Variants in FAM161A observed in about 807,000 individuals in gnomAD.
FAM161A encodes the protein protein FAM161A.
FAM161A carries 57 observed loss-of-function variants against 70.9 expected under a neutral mutation model. That is an observed-to-expected ratio of 0.80 (90% CI 0.65 to 1.00). FAM161A has a LOEUF of 1.00. FAM161A is among the 50% of genes least tolerant of loss of function. The pLI, the probability that FAM161A is intolerant of heterozygous loss-of-function variation, is 0.00. For missense variants in FAM161A, 880 were observed against 836.0 expected (o/e 1.05, Z -0.65); for synonymous variants, 299 against 295.7 (o/e 1.01, Z -0.12).
chr2:61,801,952 T>C, the FAM161A span, among the ~76,000 whole-genome samples: 1 of 152,226 alleles, frequency 6.6e-6, no homozygotes, highest in African/African-American at 2.4e-5. Flanking sequence ...CACAAACTTC[T>C]ATAATTTGCA....
At position 61,842,204 on chromosome 2, in the gene FAM161A, C is replaced by A; in HGVS notation, c.340G>T (p.Glu114Ter). ...TGTAATTTATCCTGGTACATTTTCT[C>A]TAATTTTGCCATAGTTTCTATGTGG... The part of the protein sequence containing the change: ...AAHIETMAKL[E>*]KMYQDKLHLK... The change falls in exon 2 of 7, where the codon GAG becomes TAG. Residue 114 changes from glutamate (E) to a stop codon, truncating the protein, a stop_gained. Coordinates refer to ENST00000404929, the MANE Select transcript of FAM161A (RefSeq NM_001201543.2). LOFTEE classifies it high-confidence loss of function. 1 of 1,613,960 alleles carries A rather than the reference C, an allele frequency of 6.2e-7. No homozygotes were observed. Among genetic ancestry groups the A allele is most frequent in the Non-Finnish European group, 8.5e-7 (1 of 1,179,860 alleles).
chr2:61,805,723 C>A, the FAM161A span, among the ~76,000 whole-genome samples: 2 of 152,234 alleles, frequency 1.3e-5, no homozygotes, highest in East Asian at 3.9e-4. Context: ...AGGTCCCTGC[C>A]CTCATGGAGC....
chr2:61,822,972 ACTGT>A (rs1169783942), downstream of FAM161A, among the ~76,000 whole-genome samples: 1 of 152,186 alleles, frequency 6.6e-6, no homozygotes, highest in Admixed American at 6.5e-5. Context: ...CTTGAGAAAT[ACTGT>A]CTAAGAGAAA....
At chr2:61,822,553 T>C (rs112522755), downstream of FAM161A, among the ~76,000 whole-genome samples, 1,991 of 152,314 alleles carry the variant, frequency 0.013, 36 homozygotes, top group African/African-American at 0.045. Flanking sequence ...GCATACATTT[T>C]TCTTTGAAGC....
At chr2:61,822,660 C>T (rs1290087009), downstream of FAM161A, among the ~76,000 whole-genome samples, 2 of 152,162 alleles carry the variant, frequency 1.3e-5, no homozygotes, top group African/African-American at 4.8e-5. Flanking sequence ...AATCTCGGCT[C>T]ACTGCAACCT....
chr2:61,848,976 ATT>A (rs10553054), intron 1 of FAM161A, among the ~76,000 whole-genome samples: 1 of 7,064 alleles, frequency 1.4e-4, no homozygotes, highest in Non-Finnish European at 2.0e-4. Flanking sequence ...ATATATATAT[ATT>A]TATATATTTA....
intron 5 of FAM161A, among the ~76,000 whole-genome samples, chr2:61,832,672 T>G (rs1286271464): frequency 6.6e-6 from 1 of 152,198 alleles, no homozygotes; most frequent in African/African-American, 2.4e-5. Context: ...CCCTGCCTCC[T>G]ACAGCGTTAG....
chr2:61,825,556 A>G lies in FAM161A; in HGVS notation c.*899T>C, dbSNP rs1672323182. On this transcript the variant is annotated 3_prime_UTR_variant, in exon 7 of 7. Coordinates refer to ENST00000404929, the MANE Select transcript of FAM161A (RefSeq NM_001201543.2). ...ACTAGAACTAAGGATAAAAAGAAAA[A>G]GGGATGATGGTGTAGACAATTTAAC... 1 of 439,186 alleles carries G rather than the reference A, an allele frequency of 2.3e-6. No individual in the cohort carries two copies. Among genetic ancestry groups the G allele is most frequent in the Non-Finnish European group, 4.5e-6 (1 of 223,266 alleles). 27.2% of individuals were successfully genotyped at this position (439,186 alleles called of 1,614,324 possible).
chr2:61,838,892 A>ATTTATTTATTTTT, intron 3 of FAM161A, among the ~76,000 whole-genome samples, 187 bp from the exon 4 acceptor site: 1 of 130,278 alleles, frequency 7.7e-6, no homozygotes, highest in African/African-American at 2.7e-5. Flanking sequence ...TTATTTATTT[A>ATTTATTTATTTTT]TTTTTTTTGA....
chr2:61,827,208 T>C lies in FAM161A; in HGVS notation c.1902A>G (p.Ala634=), dbSNP rs1672401056. 1 of 1,613,816 alleles carries C rather than the reference T, an allele frequency of 6.2e-7. No individual in the cohort carries two copies. The highest frequency in any genetic ancestry group is 1.3e-5 in the African/African-American group (1 of 74,940). The part of the protein sequence containing the change: ...AEKHYSNTLK[A]LGISDEFVSK... The stretch of plus-strand genomic sequence containing the variant: ...AAACAAACTCATCAGATATTCCTAG[T>C]GCTTTTAGGGTATTAGAATAATGCT... Residue 634 remains alanine (A), a synonymous_variant, in exon 6 of 7, where the codon GCA becomes GCG. Coordinates refer to ENST00000404929, the MANE Select transcript of FAM161A (RefSeq NM_001201543.2).
intron 1 of FAM161A, among the ~76,000 whole-genome samples, chr2:61,849,617 T>A (rs1673426520): frequency 6.6e-6 from 1 of 151,830 alleles, no homozygotes; most frequent in African/African-American, 2.4e-5. Context: ...AAACCCCGTC[T>A]CTACTAAAAA....
chr2:61,848,421 A>G (rs1015736372), intron 1 of FAM161A, among the ~76,000 whole-genome samples: 1 of 152,182 alleles, frequency 6.6e-6, no homozygotes, highest in Non-Finnish European at 1.5e-5. Context: ...GTCTCCACTG[A>G]GAAAATATTT....
At chr2:61,808,509 T>C in the FAM161A span, among the ~76,000 whole-genome samples, 1 of 152,166 alleles carries the variant, frequency 6.6e-6, no homozygotes, top group Admixed American at 6.5e-5. Flanking sequence ...CCTGGCCTTG[T>C]GATCCACCCT....
At chr2:61,808,819 G>C in the FAM161A span, among the ~76,000 whole-genome samples, 1 of 152,134 alleles carries the variant, frequency 6.6e-6, no homozygotes, top group African/African-American at 2.4e-5. Context: ...AGGGAGTGGG[G>C]AGTGGAGAAG....
chr2:61,827,419 G>C (rs1295447795), intron 5 of FAM161A, among the ~76,000 whole-genome samples, 161 bp from the exon 6 acceptor site: 1 of 151,974 alleles, frequency 6.6e-6, no homozygotes, highest in Non-Finnish European at 1.5e-5. Context: ...GACCATCCTG[G>C]CTAACACGGT....
chr2:61,834,228 A>G (rs1558478851), intron 5 of FAM161A, among the ~76,000 whole-genome samples: 1 of 152,178 alleles, frequency 6.6e-6, no homozygotes, highest in Non-Finnish European at 1.5e-5. Context: ...GGAAGCCATT[A>G]TCCTAAGCAA....
chr2:61,853,380 G>C (rs1457595014), intron 1 of FAM161A, among the ~76,000 whole-genome samples: 1 of 152,140 alleles, frequency 6.6e-6, no homozygotes, highest in African/African-American at 2.4e-5. Flanking sequence ...TTGCTTATCT[G>C]TATCCGTGTC....
At chr2:61,852,031 C>T (rs1187874282) in intron 1 of FAM161A, among the ~76,000 whole-genome samples, 1 of 152,164 alleles carries the variant, frequency 6.6e-6, no homozygotes, top group Admixed American at 6.5e-5. Context: ...CTATTTCCTG[C>T]ACTCTTCCTG....
chr2:61,802,082 T>C, the FAM161A span, among the ~76,000 whole-genome samples: 1 of 152,212 alleles, frequency 6.6e-6, no homozygotes, highest in Non-Finnish European at 1.5e-5. Context: ...GGGTAAAACT[T>C]ATTAATCCCT....
Sources: allele counts gnomAD v4.1 joint callset (sites outside exome capture counted in the v4.1 genomes callset), GRCh38; gene constraint gnomAD v4.1.1; transcripts MANE v1.5; gene names NCBI Gene and HGNC (gene_info 2026-07-23, HGNC 2026-07-21).